NUDT22: variants seen among roughly 807,000 people sequenced by gnomAD.
The protein encoded by NUDT22 is uridine diphosphate glucose pyrophosphatase NUDT22.
NUDT22 carries 23 observed loss-of-function variants against 28.8 expected under a neutral mutation model. That is an observed-to-expected ratio of 0.80 (90% CI 0.58 to 1.13). The LOEUF (loss-of-function observed/expected upper bound fraction) is 1.13. NUDT22 is among the 50% of genes most tolerant of loss of function. NUDT22 has a pLI of 0.00. For missense variants in NUDT22, 358 were observed against 387.3 expected, an observed-to-expected ratio of 0.92 and a Z score of 0.64; for synonymous variants, 175 against 173.7, an observed-to-expected ratio of 1.01 and a Z score of -0.06.
chr11:64,227,211 T>G (rs1947056537), intron 2 of NUDT22, 79 bp downstream of exon 2: 1 of 1,512,194 alleles, frequency 6.6e-7, no homozygotes, highest in South Asian at 1.2e-5. Context: ...CCTCCCAGCT[T>G]TGGTTTCCTC....
At position 64,229,227 on chromosome 11, in the gene NUDT22, C is replaced by A; in HGVS notation, c.580-20C>A. Reference sequence around the variant, plus strand: ...GGCATTGATAGGTGGGACCTCCCCCCACCCCACCCTCCACCGCAGGTGAAC... The same window carrying A: ...GGCATTGATAGGTGGGACCTCCCCCAACCCCACCCTCCACCGCAGGTGAAC... On this transcript the variant is annotated intron_variant, in intron 3 of 5. Transcript: ENST00000279206. 2 of 1,534,902 alleles carry A rather than the reference C, an allele frequency of 1.3e-6. No individual in the cohort carries two copies. The highest frequency in any genetic ancestry group is 8.8e-7 in the Non-Finnish European group (1 of 1,134,004).
At position 64,226,373 on chromosome 11, in the gene NUDT22, C is replaced by T. The variant is rs79420393; in HGVS notation, c.-73C>T. 4.9e-4 allele frequency: 631 copies of T among 1,279,188 alleles called. 10 individuals carry two copies. The East Asian group carries it at 0.018, about 37-fold the overall frequency. 79.2% of individuals were successfully genotyped at this position (1,279,188 alleles called of 1,614,324 possible). ...GCGCGCCCCGGGTCGGAGGCAGACC[C>T]CTGGGTTTGGGGGACATGGGCATTT... On this transcript the variant is annotated 5_prime_UTR_variant, in exon 1 of 6. Coordinates refer to ENST00000279206, the MANE Select transcript of NUDT22 (RefSeq NM_032344.4).
Position 64,226,387 on chromosome 11 carries a change from A to G in NUDT22, c.-59A>G, listed in dbSNP as rs1299561258. On this transcript the variant is annotated 5_prime_UTR_variant, in exon 1 of 6. Coordinates refer to ENST00000279206, the MANE Select transcript of NUDT22 (RefSeq NM_032344.4). ...GGAGGCAGACCCCTGGGTTTGGGGG[A>G]CATGGGCATTTGGGGCGCCTGAACC... 7.7e-7 allele frequency: 1 copy of G among 1,297,486 alleles called. No individual in the cohort carries two copies. Among genetic ancestry groups the G allele is most frequent in the Non-Finnish European group, 9.8e-7 (1 of 1,025,266 alleles). The allele number at this position is 1,297,486 out of a possible 1,614,324, so 80.4% of individuals were successfully genotyped here. A position where few individuals can be genotyped will look rare whatever the true frequency, so the allele number is the denominator to read the frequency against.
intron 3 of NUDT22, chr11:64,228,664 A>AAAAAAAAG (rs1947114880): frequency 8.4e-6 from 1 of 119,504 alleles, no homozygotes; most frequent in Non-Finnish European, 1.5e-5. Context: ...ACTCCGTCTC[A>AAAAAAAAG]AAAAAAAGAA....
chr11:64,226,691 C>CG lies in NUDT22; in HGVS notation c.44dup (p.Leu16ProfsTer15). 1 of 1,607,944 alleles carries CG rather than the reference C, an allele frequency of 6.2e-7. No individual in the cohort carries two copies. The highest frequency in any genetic ancestry group is 8.5e-7 in the Non-Finnish European group (1 of 1,178,124). The stretch of plus-strand genomic sequence containing the variant: ...TGACCTTGCTGCTGCAGTGCCCTGG[C>CG]GGGGGCCTGCCCCAGGAGCAGATAC... On this transcript the variant is annotated frameshift_variant, in exon 2 of 6. Coordinates refer to ENST00000279206, the MANE Select transcript of NUDT22 (RefSeq NM_032344.4). LOFTEE classifies it high-confidence loss of function.
In NUDT22 at chr11:64,229,128, G is replaced by C. The variant is rs559486422; in HGVS notation, c.580-119G>C. ...TGACATTCTGTAATGCTGGGTCCTT[G>C]ATCTACAAGCTATAAAATGCTGTAC... On this transcript the variant is annotated intron_variant, in intron 3 of 5. Transcript: ENST00000279206. The C allele has an allele frequency of 4.7e-6, 3 of 636,304 alleles. No homozygotes were observed. The African/African-American group carries it at 5.5e-5, about 12-fold the overall frequency. 39.4% of individuals were successfully genotyped at this position (636,304 alleles called of 1,614,324 possible). A position where few individuals can be genotyped will look rare whatever the true frequency, so the allele number is the denominator to read the frequency against.
intron 2 of NUDT22, 88 bp from the exon 3 acceptor site, chr11:64,227,480 C>T: frequency 9.8e-7 from 1 of 1,021,908 alleles, no homozygotes; most frequent in Non-Finnish European, 1.5e-6. Context: ...ACATCAGACC[C>T]TCAAGGCCAG....
rs1947029241 is a variant in NUDT22 at position 64,226,636 on chromosome 11, G to A, written c.-17G>A. On this transcript the variant is annotated splice_region_variant and 5_prime_UTR_variant, in exon 2 of 6. Transcript: ENST00000279206. ...AGGCCTGGCCGTATCCTCCCCCAGA[G>A]CTGCCCCGTTCAGACCATGGATCCT... 6.4e-7 allele frequency: 1 copy of A among 1,560,142 alleles called. No homozygotes were observed. Among genetic ancestry groups the A allele is most frequent in the African/African-American group, 1.4e-5 (1 of 73,600 alleles).
intron 2 of NUDT22, 106 bp from the exon 3 acceptor site, chr11:64,227,462 A>G (rs1312456341): frequency 1.2e-6 from 1 of 857,842 alleles, no homozygotes; most frequent in Non-Finnish European, 2.0e-6. Context: ...ACTCTCTTAC[A>G]CTGTGCCACA....
In NUDT22 at chr11:64,227,035, C is replaced by T; in HGVS notation, c.383C>T (p.Ala128Val). The change falls in exon 2 of 6, where the codon GCC becomes GTC. Residue 128 changes from alanine to valine, a missense_variant. Physicochemically the swap from Ala to Val is moderately conservative, Grantham distance 64. Coordinates refer to ENST00000279206, the MANE Select transcript of NUDT22 (RefSeq NM_032344.4). ...ADPLGVGAALATADDFLVFLR... is the reference protein window; with the variant it reads ...ADPLGVGAALVTADDFLVFLR... Reference sequence around the variant, plus strand: ...CCACTGGGGGTGGGCGCTGCACTAGCCACAGCCGATGACTTCCTTGTCTTC... The same window carrying T: ...CCACTGGGGGTGGGCGCTGCACTAGTCACAGCCGATGACTTCCTTGTCTTC... 6.2e-7 allele frequency: 1 copy of T among 1,603,610 alleles called. No homozygotes were observed. Among genetic ancestry groups the T allele is most frequent in the Non-Finnish European group, 8.5e-7 (1 of 1,179,682 alleles).
intron 2 of NUDT22, 45 bp downstream of exon 2, chr11:64,227,177 G>C: frequency 6.5e-7 from 1 of 1,550,150 alleles, no homozygotes; most frequent in East Asian, 2.4e-5. Flanking sequence ...GCTCAAGGGA[G>C]CTGCAGCTCT....
rs1016185048 is a variant in NUDT22 at position 64,229,638 on chromosome 11, A to G, written c.771+67A>G. 21 of 1,461,528 alleles carry G rather than the reference A, an allele frequency of 1.4e-5. No homozygotes were observed. The African/African-American group carries it at 2.8e-4, about 19-fold the overall frequency. The allele number at this position is 1,461,528 out of a possible 1,614,324, so 90.5% of individuals were successfully genotyped here. On this transcript the variant is annotated intron_variant, in intron 5 of 5. Transcript: ENST00000279206. ...GGCCTGCAGAGGCCTGGCAATGCAT[A>G]TCTTGTAGGGGAGGTGTTGGCTGGG...
At chr11:64,227,705 G>T (rs753151213) in intron 3 of NUDT22, 39 bp downstream of exon 3, 2 of 1,544,630 alleles carry the variant, frequency 1.3e-6, no homozygotes, top group Non-Finnish European at 1.8e-6. Context: ...TAGACATGAA[G>T]GGAGGGGGTA....
Position 64,229,460 on chromosome 11 carries a change from C to T in NUDT22, c.678-18C>T. ...AGGGGCTGGTCACCCACTAAGCCAC[C>T]CTTGTGTTCTTGTCCAGGTGCAGCC... On this transcript the variant is annotated intron_variant, in intron 4 of 5. Coordinates refer to ENST00000279206, the MANE Select transcript of NUDT22 (RefSeq NM_032344.4). 1 of 1,613,664 alleles carries T rather than the reference C, an allele frequency of 6.2e-7. No homozygotes were observed. Among genetic ancestry groups the T allele is most frequent in the Admixed American group, 1.7e-5 (1 of 60,016 alleles).
At chr11:64,228,231 C>G (rs576034440) in intron 3 of NUDT22, among the ~76,000 whole-genome samples, 2 of 150,884 alleles carry the variant, frequency 1.3e-5, no homozygotes, top group Non-Finnish European at 2.9e-5. Context: ...GTTGCCCAGG[C>G]TAGTGCAGTG....
chr11:64,227,135 G>T lies in NUDT22; in HGVS notation c.480+3G>T, dbSNP rs747459590. On this transcript the variant is annotated splice_donor_region_variant and intron_variant, in intron 2 of 5. Transcript: ENST00000279206. ...CTGGTGGGCACCCTGAGCCTCAGGTGAGATTCCAGGCTGGGCACAAAGACC... is the reference window on the plus strand; with the variant it reads ...CTGGTGGGCACCCTGAGCCTCAGGTTAGATTCCAGGCTGGGCACAAAGACC... 6.3e-7 allele frequency: 1 copy of T among 1,582,942 alleles called. No homozygotes were observed. The highest frequency in any genetic ancestry group is 1.1e-5 in the South Asian group (1 of 88,170).
downstream of NUDT22, chr11:64,230,194 G>A (rs766532534): frequency 1.3e-5 from 9 of 714,134 alleles, no homozygotes; most frequent in Admixed American, 4.0e-5. Flanking sequence ...GAGGCTCCGG[G>A]GCGGAAGCAG....
chr11:64,227,898 C>G, intron 3 of NUDT22: 1 of 482,800 alleles, frequency 2.1e-6, no homozygotes, highest in Non-Finnish European at 3.7e-6. Flanking sequence ...TAGACAGAGT[C>G]TCGCTCTGTT....
Position 64,227,635 on chromosome 11 carries a change from T to C in NUDT22, c.548T>C (p.Phe183Ser). 2 of 1,614,086 alleles carry C rather than the reference T, an allele frequency of 1.2e-6. No homozygotes were observed. Among genetic ancestry groups the C allele is most frequent in the Non-Finnish European group, 1.7e-6 (2 of 1,179,988 alleles). Residue 183 changes from phenylalanine (F) to serine (S), a missense_variant, in exon 3 of 6, where the codon TTT (phenylalanine) becomes TCT (serine). Coordinates refer to ENST00000279206, the MANE Select transcript of NUDT22 (RefSeq NM_032344.4). ...LAGQLVVHEL[F>S]SSVLQEICDE... ...GGGCAGCTGGTGGTACATGAACTCT[T>C]TTCCAGTGTCCTTCAGGAGATCTGT...
Sources: gnomAD v4.1 joint callset for allele counts (sites outside exome capture counted in the v4.1 genomes callset) on GRCh38, gnomAD v4.1.1 for gene constraint, MANE v1.5 for transcripts, NCBI Gene and HGNC (gene_info 2026-07-23, HGNC 2026-07-21) for gene names.